USP53: variants seen among roughly 807,000 people sequenced by gnomAD.
The protein encoded by USP53 is ubiquitin specific peptidase 53.
In USP53, 71 loss-of-function variants were observed where a neutral mutation model predicts 94.9. That is an observed-to-expected ratio of 0.75 (90% CI 0.62 to 0.91). The LOEUF (loss-of-function observed/expected upper bound fraction) is 0.91, where lower values mean the gene tolerates loss of function less well. Ranked by LOEUF, USP53 falls within the 40% of genes least tolerant of loss-of-function variation. The probability of loss-of-function intolerance (pLI) is 0.00; values close to 1 mark genes in which losing one functional copy is unlikely to be tolerated. For missense variants in USP53, 1,173 were observed against 1,281.0 expected (o/e 0.92, Z 1.29); for synonymous variants, 375 against 422.7 (o/e 0.89, Z 1.39).
chr4:119,213,717 G>C (rs1451458746), intron 1 of USP53, among the ~76,000 whole-genome samples: 1 of 147,090 alleles, frequency 6.8e-6, no homozygotes, highest in Non-Finnish European at 1.5e-5. Context: ...GAATATCTAA[G>C]GCTATTTTTG....
Position 119,295,300 on chromosome 4 carries a change from T to C in USP53, c.*2089T>C, listed in dbSNP as rs1416247019. On this transcript the variant is annotated 3_prime_UTR_variant, in exon 19 of 19. Transcript: ENST00000692078. ...CACTCCAGATACAGATTGATACATATATACTAATCATTTTATTTCATGTAA... is the reference window on the plus strand; with the variant it reads ...CACTCCAGATACAGATTGATACATACATACTAATCATTTTATTTCATGTAA... 6.6e-6 allele frequency: 1 copy of C among 152,124 alleles called. No individual in the cohort carries two copies. The highest frequency in any genetic ancestry group is 1.5e-5 in the Non-Finnish European group (1 of 68,014). The allele number at this position is 152,124 out of a possible 1,614,324, so 9.4% of individuals were successfully genotyped here. A position where few individuals can be genotyped will look rare whatever the true frequency, so the allele number is the denominator to read the frequency against.
intron 17 of USP53, among the ~76,000 whole-genome samples, chr4:119,288,938 CAAAAAAAA>C (rs35580805): frequency 9.3e-6 from 1 of 107,030 alleles, no homozygotes; most frequent in Non-Finnish European, 1.9e-5. Flanking sequence ...AACTCTGTCT[CAAAAAAAA>C]AAAAAAAAAA....
chr4:119,284,036 G>C (rs185540549), intron 17 of USP53, among the ~76,000 whole-genome samples: 193 of 151,934 alleles, frequency 1.3e-3, no homozygotes, highest in African/African-American at 4.6e-3. Context: ...AATGAGAAGG[G>C]GGAGCTGGAA....
intron 17 of USP53, among the ~76,000 whole-genome samples, chr4:119,288,902 C>T (rs2149479542): frequency 7.2e-6 from 1 of 139,490 alleles, no homozygotes; most frequent in South Asian, 2.2e-4. Flanking sequence ...CGTGCCATTG[C>T]ACTACAGCCT....
At chr4:119,258,954 G>A (rs988362468) in intron 9 of USP53, among the ~76,000 whole-genome samples, 4 of 152,138 alleles carry the variant, frequency 2.6e-5, no homozygotes, top group Non-Finnish European at 5.9e-5. Flanking sequence ...ACCCTGTAGT[G>A]TATTAAAAGG....
rs901841169 is a variant in USP53, at chr4:119,239,426, G to A, written c.-334G>A. 4.2e-5 allele frequency: 12 copies of A among 282,560 alleles called. No homozygotes were observed. The highest frequency in any genetic ancestry group is 1.8e-4 in the East Asian group (3 of 16,776). The allele number at this position is 282,560 out of a possible 1,614,324, so 17.5% of individuals were successfully genotyped here. A position where few individuals can be genotyped will look rare whatever the true frequency, so the allele number is the denominator to read the frequency against. The stretch of plus-strand genomic sequence containing the variant: ...GCTTATGCATTAAAGGGGATGATTC[G>A]TTCATCAGTATTTTTAGCCATTAAA... On this transcript the variant is annotated 5_prime_UTR_variant, in exon 5 of 19. Coordinates refer to ENST00000692078, the MANE Select transcript of USP53 (RefSeq NM_001371395.1).
At chr4:119,289,023 A>G (rs1754438322) in intron 17 of USP53, among the ~76,000 whole-genome samples, 1 of 152,112 alleles carries the variant, frequency 6.6e-6, no homozygotes, top group Non-Finnish European at 1.5e-5. Context: ...TATCTTTCTA[A>G]AAACTATTTT....
rs1018356383 is a variant in USP53, at chr4:119,245,267, A to C, written c.145-70A>C. 6.9e-6 allele frequency: 10 copies of C among 1,454,006 alleles called. No individual in the cohort carries two copies. The African/African-American group carries it at 1.4e-4, about 20-fold the overall frequency. 90.1% of individuals were successfully genotyped at this position (1,454,006 alleles called of 1,614,324 possible). On this transcript the variant is annotated intron_variant, in intron 5 of 18. Transcript: ENST00000692078. Reference sequence around the variant, plus strand: ...GCCTTTTGCAATTTGTAAAATATCTAAATCTGTCTTTTGTTACAGTAAGAA... The same window carrying C: ...GCCTTTTGCAATTTGTAAAATATCTCAATCTGTCTTTTGTTACAGTAAGAA...
chr4:119,290,426 G>A (rs1383405488), intron 17 of USP53, among the ~76,000 whole-genome samples: 1 of 152,052 alleles, frequency 6.6e-6, no homozygotes, highest in Non-Finnish European at 1.5e-5. Context: ...TTAAGAGCAC[G>A]GACTTTTGAG....
chr4:119,216,408 AT>A (rs2149253271), intron 2 of USP53, among the ~76,000 whole-genome samples: 1 of 151,278 alleles, frequency 6.6e-6, no homozygotes, highest in African/African-American at 2.4e-5. Context: ...TTAAGTAGTT[AT>A]TTTTCTGAAA....
At chr4:119,237,509 A>G (rs1409509471) in intron 4 of USP53, among the ~76,000 whole-genome samples, 1 of 152,050 alleles carries the variant, frequency 6.6e-6, no homozygotes, top group Non-Finnish European at 1.5e-5. Flanking sequence ...CTATCTATTG[A>G]AAGTCAGCCC....
At chr4:119,245,278 T>C in intron 5 of USP53, 59 bp from the exon 6 acceptor site, 1 of 1,525,864 alleles carries the variant, frequency 6.6e-7, no homozygotes. Flanking sequence ...AATCTGTCTT[T>C]TGTTACAGTA....
intron 6 of USP53, among the ~76,000 whole-genome samples, chr4:119,246,386 C>T (rs1748244014): frequency 6.6e-6 from 1 of 152,192 alleles, no homozygotes; most frequent in Non-Finnish European, 1.5e-5. Context: ...GCGGCAAGAC[C>T]ACGTGGAGAC....
At chr4:119,234,824 A>G (rs960594117) in intron 3 of USP53, among the ~76,000 whole-genome samples, 4 of 152,240 alleles carry the variant, frequency 2.6e-5, no homozygotes, top group African/African-American at 9.6e-5. Context: ...CAGATACCAC[A>G]ATCCATGGAT....
chr4:119,241,731 T>C (rs1368347054), intron 5 of USP53, among the ~76,000 whole-genome samples: 1 of 152,166 alleles, frequency 6.6e-6, no homozygotes, highest in Non-Finnish European at 1.5e-5. Context: ...GTTGAGTGTC[T>C]TGGGTCTGTG....
chr4:119,238,487 A>G (rs1336010259), intron 4 of USP53, among the ~76,000 whole-genome samples: 1 of 152,206 alleles, frequency 6.6e-6, no homozygotes, highest in Non-Finnish European at 1.5e-5. Context: ...GGAAACATCA[A>G]AGATAACTTA....
chr4:119,273,266 T>A (rs540409799), intron 16 of USP53: 1 of 155,562 alleles, frequency 6.4e-6, no homozygotes, highest in East Asian at 1.8e-4. Context: ...GTGAACCATG[T>A]TTGTACCACT....
chr4:119,282,868 A>G (rs1046767655), intron 17 of USP53, among the ~76,000 whole-genome samples: 2 of 152,044 alleles, frequency 1.3e-5, no homozygotes, highest in Admixed American at 1.3e-4. Context: ...TGACCTATAG[A>G]ATCATTTTAT....
chr4:119,221,297 A>T (rs577008701), intron 3 of USP53: 1 of 152,092 alleles, frequency 6.6e-6, no homozygotes, highest in African/African-American at 2.4e-5. Flanking sequence ...GCAGGGGCAC[A>T]GTGGCTCATA....
Sources: allele counts gnomAD v4.1 joint callset (sites outside exome capture counted in the v4.1 genomes callset), GRCh38; gene constraint gnomAD v4.1.1; transcripts MANE v1.5; gene names NCBI Gene and HGNC (gene_info 2026-07-23, HGNC 2026-07-21).